The following DET1 variants were observed in gnomAD, a reference collection of about 807,000 sequenced individuals.
DET1 encodes DET1 homolog.
In DET1, 22 loss-of-function variants were observed where a neutral mutation model predicts 43.7. The ratio of observed to expected loss-of-function variants is 0.50; its 90% confidence interval spans 0.36 to 0.72. DET1 has a LOEUF of 0.72. Ranked by LOEUF, DET1 falls within the 30% of genes least tolerant of loss-of-function variation. The pLI is 0.00. For missense variants in DET1, 713 were observed against 713.3 expected (o/e 1.00, Z 0.00); for synonymous variants, 315 against 266.2 (o/e 1.18, Z -1.79).
intron 3 of DET1, among the ~76,000 whole-genome samples, chr15:88,524,190 T>C (rs1306374834): frequency 3.1e-5 from 4 of 129,006 alleles, no homozygotes; most frequent in Non-Finnish European, 4.8e-5. Context: ...AACTGAGGAG[T>C]GTCTCTGCCC....
chr15:88,518,146 T>C (rs2056396903), intron 3 of DET1, among the ~76,000 whole-genome samples: 1 of 151,382 alleles, frequency 6.6e-6, no homozygotes, highest in Non-Finnish European at 1.5e-5. Context: ...CTCGCCATGT[T>C]GCCCAGACTG....
At chr15:88,536,944 C>T (rs942574974) in intron 1 of DET1, among the ~76,000 whole-genome samples, 1 of 152,060 alleles carries the variant, frequency 6.6e-6, no homozygotes, top group Non-Finnish European at 1.5e-5. Flanking sequence ...GACTGGAAAG[C>T]AGGGGAGCGA....
chr15:88,527,814 G>A, intron 2 of DET1, 28 bp from the exon 3 acceptor site: 1 of 1,529,962 alleles, frequency 6.5e-7, no homozygotes, highest in South Asian at 1.3e-5. Flanking sequence ...GAGAGGTATG[G>A]GACAGCTGAG....
At chr15:88,521,285 G>T (rs1234473123) in intron 3 of DET1, among the ~76,000 whole-genome samples, 1 of 152,192 alleles carries the variant, frequency 6.6e-6, no homozygotes, top group Non-Finnish European at 1.5e-5. Context: ...TCCTTCAAAA[G>T]CTTTCTCAAC....
At chr15:88,513,692 C>T (rs1430146712) in intron 4 of DET1, among the ~76,000 whole-genome samples, 8 of 149,086 alleles carry the variant, frequency 5.4e-5, no homozygotes, top group Non-Finnish European at 8.9e-5. Context: ...TTGAACTAGC[C>T]ACATTTTAAG....
At chr15:88,535,908 CA>C (rs1453846454) in intron 1 of DET1, among the ~76,000 whole-genome samples, 1 of 152,136 alleles carries the variant, frequency 6.6e-6, no homozygotes, top group Non-Finnish European at 1.5e-5. Flanking sequence ...AACTCCAATT[CA>C]AAAGGTTCAG....
intron 1 of DET1, among the ~76,000 whole-genome samples, chr15:88,543,106 C>A (rs1392670538): frequency 6.6e-6 from 1 of 152,130 alleles, no homozygotes; most frequent in Non-Finnish European, 1.5e-5. Flanking sequence ...AACTGAAGCC[C>A]CTGCTTTAGG....
chr15:88,522,516 T>TTTTTTTTTTTTTTTTG, intron 3 of DET1, among the ~76,000 whole-genome samples: 1 of 135,798 alleles, frequency 7.4e-6, no homozygotes, highest in Non-Finnish European at 1.6e-5. Context: ...TTCCTGGTTT[T>TTTTTTTTTTTTTTTTG]TTTTTTTTTT....
chr15:88,529,287 A>C (rs578213684), intron 2 of DET1, among the ~76,000 whole-genome samples: 1 of 152,228 alleles, frequency 6.6e-6, no homozygotes, highest in Non-Finnish European at 1.5e-5. Context: ...TTTCACCAGA[A>C]TCTCTCATAA....
At chr15:88,506,691 A>C (rs1285290921) in intron 7 of DET1, among the ~76,000 whole-genome samples, 1 of 152,202 alleles carries the variant, frequency 6.6e-6, no homozygotes, top group Non-Finnish European at 1.5e-5. Flanking sequence ...TAATGAAGCT[A>C]CCATTCTTTT....
Position 88,531,111 on chromosome 15 carries a change from G to A in DET1, c.595C>T (p.His199Tyr). Residue 199 changes from histidine (H) to tyrosine (Y), a missense_variant, in exon 2 of 5, where the codon CAC becomes TAC. His to Tyr is a moderately conservative substitution (Grantham distance 83). Coordinates refer to ENST00000268148, the MANE Select transcript of DET1 (RefSeq NM_001144074.3). The surrounding 1 kb of genome is among the most constrained non-coding windows in gnomAD (Gnocchi z 6.2). ...EDYSLHIIDL[H>Y]TGRLCDTRTF... is the part of the protein sequence containing the mutation. Reference sequence around the variant, plus strand: ...CGTGTATCACATAAGCGGCCGGTGTGAAGGTCAATGATATGGAGGGAATAG... The same window carrying A: ...CGTGTATCACATAAGCGGCCGGTGTAAAGGTCAATGATATGGAGGGAATAG... The A allele has an allele frequency of 6.2e-7, 1 of 1,614,002 alleles. No homozygotes were observed. Among genetic ancestry groups the A allele is most frequent in the South Asian group, 1.1e-5 (1 of 91,084 alleles).
chr15:88,531,816 C>G lies in DET1; in HGVS notation c.-10-101G>C. On this transcript the variant is annotated intron_variant, in intron 1 of 4. Coordinates refer to ENST00000268148, the MANE Select transcript of DET1 (RefSeq NM_001144074.3). The surrounding 1 kb of genome is among the most constrained non-coding windows in gnomAD (Gnocchi z 6.2). ...AGATTTCTCTTCTTATATCCTGAAC[C>G]TAGGAGCTCCCAAGATGACAGTGAC... The G allele has an allele frequency of 1.7e-6, 2 of 1,157,984 alleles. No individual in the cohort carries two copies. Among genetic ancestry groups the G allele is most frequent in the Non-Finnish European group, 2.4e-6 (2 of 845,044 alleles). The allele number at this position is 1,157,984 out of a possible 1,614,324, so 71.7% of individuals were successfully genotyped here. A position where few individuals can be genotyped will look rare whatever the true frequency, so the allele number is the denominator to read the frequency against.
At chr15:88,524,247 C>T (rs1318766737) in intron 3 of DET1, among the ~76,000 whole-genome samples, 1 of 151,604 alleles carries the variant, frequency 6.6e-6, no homozygotes, top group East Asian at 1.9e-4. Context: ...GCCTGGCCGC[C>T]CCATCTGAGA....
In DET1 at chr15:88,531,652, G is replaced by A. The variant is rs1284829166; in HGVS notation, c.54C>T (p.Val18=). 1 of 1,613,544 alleles carries A rather than the reference G, an allele frequency of 6.2e-7. No homozygotes were observed. The highest frequency in any genetic ancestry group is 1.7e-5 in the Admixed American group (1 of 60,022). The change falls in exon 2 of 5, where the codon GTC becomes GTT. Residue 18 remains valine (V), a synonymous_variant. Coordinates refer to ENST00000268148, the MANE Select transcript of DET1 (RefSeq NM_001144074.3). The surrounding 1 kb of genome is among the most constrained non-coding windows in gnomAD (Gnocchi z 6.2). ...TCCGCCGGCGTTCCAAGCGGTGAAT[G>A]ACATTTTGGTTTTGGATTCTTCGAG... The part of the protein sequence containing the change: ...IKPRRIQNQN[V]IHRLERRRIS...
chr15:88,525,167 C>T (rs11073786), intron 3 of DET1, among the ~76,000 whole-genome samples: 35,472 of 151,978 alleles, frequency 0.23, 5,462 homozygotes, highest in African/African-American at 0.43. Flanking sequence ...CAAATTACTA[C>T]GGTAATTAGC....
At chr15:88,508,528 G>GA (rs1006120703), downstream of DET1, among the ~76,000 whole-genome samples, 23 of 151,792 alleles carry the variant, frequency 1.5e-4, no homozygotes, top group Non-Finnish European at 2.2e-4. Flanking sequence ...ATTAAGGCAG[G>GA]AAAAAAAACA....
chr15:88,530,924 T>G lies in DET1; in HGVS notation c.782A>C (p.Tyr261Ser), dbSNP rs780029532. ...TGACACAGTGAGCAGGTCATCCTCA[T>G]AGCAAAAGCGGCCAATGGTCCGCAC... ...IDVRTIGRFC[Y>S]EDDLLTVSAV... The change falls in exon 2 of 5, where the codon TAT becomes TCT. Residue 261 changes from tyrosine to serine, a missense_variant. By Grantham distance (144) the Tyr-to-Ser change is moderately radical (BLOSUM62 -2). Coordinates refer to ENST00000268148, the MANE Select transcript of DET1 (RefSeq NM_001144074.3). 5.0e-6 allele frequency: 8 copies of G among 1,614,018 alleles called. No homozygotes were observed. Among genetic ancestry groups the G allele is most frequent in the Non-Finnish European group, 6.8e-6 (8 of 1,179,884 alleles).
chr15:88,535,053 C>G lies in DET1; in HGVS notation c.-10-3338G>C, dbSNP rs141546994. On this transcript the variant is annotated intron_variant, in intron 1 of 4. Transcript: ENST00000268148. ...ATAAAAATGTTCCAATAAGTAATCA[C>G]AAACACTCTTGAAATGATGGAAAAA... Among the ~76,000 whole-genome samples, 833 of 152,252 alleles carry G rather than the reference C, an allele frequency of 5.5e-3. 10 individuals are homozygous for G. The highest frequency in any genetic ancestry group is 0.019 in the African/African-American group (789 of 41,534).
chr15:88,510,220 G>A (rs2056182885), downstream of DET1, among the ~76,000 whole-genome samples: 1 of 152,220 alleles, frequency 6.6e-6, no homozygotes, highest in South Asian at 2.1e-4. Context: ...GAGGTGGGCA[G>A]TTTGAGGTGA....
Sources: allele counts gnomAD v4.1 joint callset (sites outside exome capture counted in the v4.1 genomes callset), GRCh38; gene constraint gnomAD v4.1.1; non-coding constraint Gnocchi (gnomAD v3.1); transcripts MANE v1.5; gene names NCBI Gene and HGNC (gene_info 2026-07-23, HGNC 2026-07-21).